CDCA7L: variants seen among roughly 807,000 people sequenced by gnomAD.
CDCA7L encodes cell division cycle associated 7 like, also known as cell division cycle-associated 7-like protein.
A neutral mutation model predicts 57.4 loss-of-function variants in CDCA7L; 44 were observed. That is an observed-to-expected ratio of 0.77 (90% confidence interval 0.60 to 0.98). The LOEUF (loss-of-function observed/expected upper bound fraction) is 0.98, where lower values mean the gene tolerates loss of function less well. Ranked by LOEUF, CDCA7L falls within the 50% of genes least tolerant of loss-of-function variation. The pLI, the probability that CDCA7L is intolerant of heterozygous loss-of-function variation, is 0.00. For synonymous variants in CDCA7L, 236 were observed against 202.8 expected (o/e 1.16, Z -1.39); for missense variants, 644 against 580.6 (o/e 1.11, Z -1.12).
intron 7 of CDCA7L, among the ~76,000 whole-genome samples, chr7:21,904,685 C>T (rs1374853845): frequency 1.3e-5 from 2 of 152,168 alleles, no homozygotes; most frequent in Admixed American, 6.5e-5. Flanking sequence ...CCCCTTCCTG[C>T]CCCCCAAATC....
chr7:21,938,761 T>G (rs1490336948), intron 1 of CDCA7L, among the ~76,000 whole-genome samples: 1 of 152,148 alleles, frequency 6.6e-6, no homozygotes, highest in African/African-American at 2.4e-5. Flanking sequence ...TCCCAGCACT[T>G]TGGGAGGCCA....
intron 2 of CDCA7L, among the ~76,000 whole-genome samples, chr7:21,915,446 G>A (rs941732586): frequency 6.9e-5 from 8 of 116,584 alleles, no homozygotes; most frequent in East Asian, 6.5e-4. Context: ...GAAGACTGAA[G>A]ACAAACCCTT....
At position 21,916,857 on chromosome 7, in the gene CDCA7L, C is replaced by T; in HGVS notation, c.62G>A (p.Ser21Asn). 2 of 1,614,092 alleles carry T rather than the reference C, an allele frequency of 1.2e-6. No individual in the cohort carries two copies. Among genetic ancestry groups the T allele is most frequent in the Non-Finnish European group, 8.5e-7 (1 of 1,179,998 alleles). ...GAAGCCAACAAACTCTTCATCATCA[C>T]TGGGGGCGTTAAAGATGTCAGCCAC... ...KEVADIFNAPSDDEEFVGFRD... is the reference protein window; with the variant it reads ...KEVADIFNAPNDDEEFVGFRD... Residue 21 changes from serine to asparagine, a missense_variant, in exon 2 of 10, where the codon AGT (serine) becomes AAT (asparagine). By Grantham distance (46) the Ser-to-Asn change is conservative. Coordinates refer to ENST00000406877, the MANE Select transcript of CDCA7L (RefSeq NM_018719.5).
At chr7:21,902,570 CAG>C (rs1473977197) in intron 9 of CDCA7L, 10 of 588,564 alleles carry the variant, frequency 1.7e-5, no homozygotes, top group East Asian at 5.6e-5. Context: ...AACCACGATT[CAG>C]AGTTTATTAA....
chr7:21,912,327 A>C (rs1785358454), intron 2 of CDCA7L, among the ~76,000 whole-genome samples: 1 of 152,286 alleles, frequency 6.6e-6, no homozygotes, highest in South Asian at 2.1e-4. Flanking sequence ...TATATATTAC[A>C]TATATACACA....
At chr7:21,927,481 AGAG>A (rs1277742177) in intron 1 of CDCA7L, among the ~76,000 whole-genome samples, 1 of 151,838 alleles carries the variant, frequency 6.6e-6, no homozygotes, top group Non-Finnish European at 1.5e-5. Flanking sequence ...GAAAAAAATT[AGAG>A]GAGAAAAAGT....
At chr7:21,904,698 T>C (rs142512321) in intron 7 of CDCA7L, among the ~76,000 whole-genome samples, 2 of 152,254 alleles carry the variant, frequency 1.3e-5, no homozygotes, top group African/African-American at 4.8e-5. Context: ...CCCAAATCCA[T>C]GGAAAAACTG....
chr7:21,902,429 A>G (rs1427105896), intron 9 of CDCA7L, 77 bp from the exon 10 acceptor site: 1 of 1,384,192 alleles, frequency 7.2e-7, no homozygotes, highest in Non-Finnish European at 1.0e-6. Flanking sequence ...AGATTCCACA[A>G]TCATCTAAGA....
chr7:21,945,815 C>A lies in CDCA7L; in HGVS notation c.-11G>T, dbSNP rs773871310. On this transcript the variant is annotated 5_prime_UTR_variant, in exon 1 of 10. Transcript: ENST00000406877. Reference sequence around the variant, plus strand: ...AGTCGCCAACTCCATTCTTCCTAACCGGGCTCCAGTCTCCTCCCAGCACGC... The same window carrying A: ...AGTCGCCAACTCCATTCTTCCTAACAGGGCTCCAGTCTCCTCCCAGCACGC... The A allele has an allele frequency of 1.3e-6, 2 of 1,598,418 alleles. No homozygotes were observed. Among genetic ancestry groups the A allele is most frequent in the African/African-American group, 1.4e-5 (1 of 72,864 alleles).
chr7:21,915,656 A>AC (rs11369313), intron 2 of CDCA7L, among the ~76,000 whole-genome samples: 19,961 of 104,892 alleles, frequency 0.19, 1,676 homozygotes, highest in East Asian at 0.32. Flanking sequence ...AAAAAAAAAA[A>AC]AAACACACAC....
chr7:21,918,851 T>C, intron 1 of CDCA7L, among the ~76,000 whole-genome samples: 1 of 152,260 alleles, frequency 6.6e-6, no homozygotes, highest in South Asian at 2.1e-4. Context: ...CAAAAAACAA[T>C]AACAACAACA....
intron 2 of CDCA7L, among the ~76,000 whole-genome samples, chr7:21,912,236 T>C (rs1785353427): frequency 6.6e-6 from 1 of 152,056 alleles, no homozygotes; most frequent in East Asian, 1.9e-4. Context: ...CCAGCCTGCG[T>C]TGCAGCCAAG....
At chr7:21,920,633 G>A (rs542187170) in intron 1 of CDCA7L, among the ~76,000 whole-genome samples, 9 of 152,316 alleles carry the variant, frequency 5.9e-5, no homozygotes, top group Admixed American at 2.6e-4. Flanking sequence ...CCAGCCACAC[G>A]TAGTGCAGCA....
At chr7:21,914,273 G>C (rs1406349520) in intron 2 of CDCA7L, among the ~76,000 whole-genome samples, 6 of 152,204 alleles carry the variant, frequency 3.9e-5, no homozygotes, top group African/African-American at 1.4e-4. Context: ...CTTGAAATCA[G>C]AGGAAAGGAA....
chr7:21,910,268 A>C (rs7811563), intron 3 of CDCA7L, among the ~76,000 whole-genome samples: 74,075 of 152,138 alleles, frequency 0.49, 20,786 homozygotes, highest in African/African-American at 0.76. Flanking sequence ...GCTGGCAAGA[A>C]GCTAGGGACT....
At chr7:21,924,437 T>C (rs981562735) in intron 1 of CDCA7L, among the ~76,000 whole-genome samples, 9 of 70,202 alleles carry the variant, frequency 1.3e-4, no homozygotes, top group Non-Finnish European at 2.5e-4. Flanking sequence ...CTATCTTGCA[T>C]CTATGAAAAG....
intron 7 of CDCA7L, among the ~76,000 whole-genome samples, chr7:21,905,222 G>A (rs1241948079): frequency 1.1e-5 from 1 of 87,290 alleles, no homozygotes; most frequent in African/African-American, 2.9e-5. Flanking sequence ...AAAACTATAT[G>A]CTTAAACCAT....
Position 21,945,838 on chromosome 7 carries a change from C to G in CDCA7L, c.-34G>C, listed in dbSNP as rs1422516202. On this transcript the variant is annotated 5_prime_UTR_variant, in exon 1 of 10. Coordinates refer to ENST00000406877, the MANE Select transcript of CDCA7L (RefSeq NM_018719.5). ...ACCGGGCTCCAGTCTCCTCCCAGCA[C>G]GCGGCCACGGGAGCCCGGACTCACC... The G allele has an allele frequency of 1.8e-5, 28 of 1,592,018 alleles. No individual in the cohort carries two copies. The highest frequency in any genetic ancestry group is 2.3e-5 in the Non-Finnish European group (27 of 1,171,280).
intron 3 of CDCA7L, among the ~76,000 whole-genome samples, chr7:21,911,308 T>G (rs1785318732): frequency 6.6e-6 from 1 of 152,028 alleles, no homozygotes; most frequent in African/African-American, 2.4e-5. Context: ...ATTACAGGTA[T>G]GAGCCACCGT....
Sources: gnomAD v4.1 joint callset for allele counts (sites outside exome capture counted in the v4.1 genomes callset) on GRCh38, gnomAD v4.1.1 for gene constraint, MANE v1.5 for transcripts, NCBI Gene and HGNC (gene_info 2026-07-23, HGNC 2026-07-21) for gene names.